Variants in SPTLC2 observed in about 807,000 individuals in gnomAD.
SPTLC2 encodes the protein serine palmitoyltransferase 2.
A neutral mutation model predicts 62.0 loss-of-function variants in SPTLC2; 21 were observed. That is an observed-to-expected ratio of 0.34 (90% CI 0.24 to 0.49). The LOEUF (loss-of-function observed/expected upper bound fraction) is 0.49. SPTLC2 is among the 20% of genes least tolerant of loss of function. The pLI is 0.99. For missense variants in SPTLC2, 511 were observed against 713.0 expected, an observed-to-expected ratio of 0.72 and a Z score of 3.23; for synonymous variants, 261 against 261.8, an observed-to-expected ratio of 1.00 and a Z score of 0.03.
At chr14:77,569,206 G>A (rs967364001) in intron 5 of SPTLC2, among the ~76,000 whole-genome samples, 4 of 151,932 alleles carry the variant, frequency 2.6e-5, no homozygotes, top group Admixed American at 2.6e-4. Context: ...TTATTTGCAT[G>A]CTGTATTTTT....
At chr14:77,572,876 G>A (rs2079691570) in intron 4 of SPTLC2, among the ~76,000 whole-genome samples, 1 of 152,178 alleles carries the variant, frequency 6.6e-6, no homozygotes, top group African/African-American at 2.4e-5. Flanking sequence ...GAAGCGATTA[G>A]GATCTTCTTC....
chr14:77,591,125 T>C (rs935249253), intron 2 of SPTLC2, among the ~76,000 whole-genome samples: 2 of 152,334 alleles, frequency 1.3e-5, no homozygotes, highest in Middle Eastern at 6.8e-3. Context: ...TGATGAAATA[T>C]TATTCAGCAA....
intron 9 of SPTLC2, among the ~76,000 whole-genome samples, chr14:77,530,931 T>C (rs1297320640): frequency 6.6e-6 from 1 of 152,226 alleles, no homozygotes; most frequent in Non-Finnish European, 1.5e-5. Context: ...ACAATGCACG[T>C]TGGCCCACCC....
At chr14:77,567,777 C>A (rs1425356663) in intron 5 of SPTLC2, among the ~76,000 whole-genome samples, 1 of 150,056 alleles carries the variant, frequency 6.7e-6, no homozygotes, top group Admixed American at 6.6e-5. Context: ...CTTCCTTCTG[C>A]TTAGTTTGGG....
chr14:77,532,644 T>C (rs990749762), intron 9 of SPTLC2, among the ~76,000 whole-genome samples: 21 of 151,508 alleles, frequency 1.4e-4, no homozygotes, highest in Non-Finnish European at 2.1e-4. Flanking sequence ...ATTAGCTGGG[T>C]GTGGTGGCAG....
intron 7 of SPTLC2, among the ~76,000 whole-genome samples, chr14:77,556,496 T>C (rs1247357746): frequency 8.0e-6 from 1 of 124,754 alleles, no homozygotes. Context: ...CAAAAAAAAT[T>C]AGGTGGTAAA....
chr14:77,578,699 G>A, intron 3 of SPTLC2: 1 of 374,274 alleles, frequency 2.7e-6, no homozygotes, highest in Non-Finnish European at 5.1e-6. Context: ...CAGCCTGGGT[G>A]ACAGAGCGAA....
At chr14:77,538,544 C>T (rs912267784) in intron 9 of SPTLC2, among the ~76,000 whole-genome samples, 50 of 152,182 alleles carry the variant, frequency 3.3e-4, no homozygotes, top group Admixed American at 8.5e-4. Context: ...TCCTGAATTT[C>T]ACTTATTAGT....
At chr14:77,605,594 TAG>T (rs2079900952) in intron 1 of SPTLC2, among the ~76,000 whole-genome samples, 2 of 152,222 alleles carry the variant, frequency 1.3e-5, no homozygotes, top group Non-Finnish European at 2.9e-5. Context: ...GTGGTACTTG[TAG>T]AGCTTTAGCG....
intron 9 of SPTLC2, among the ~76,000 whole-genome samples, chr14:77,525,248 A>C (rs7154342): frequency 0.077 from 11,643 of 151,920 alleles, 486 homozygotes; most frequent in African/African-American, 0.097. Context: ...CTGCACCTGT[A>C]AACAGCCACT....
chr14:77,610,870 ACTCTGTCTCCCTCTCT>A (rs774987494), intron 1 of SPTLC2, among the ~76,000 whole-genome samples: 388 of 149,904 alleles, frequency 2.6e-3, no homozygotes, highest in Non-Finnish European at 4.7e-3. Context: ...ACATAGTGAG[ACTCTGTCTCCCTCTCT>A]CTCTGTCTCC....
At chr14:77,558,484 A>C (rs1223039056) in intron 6 of SPTLC2, among the ~76,000 whole-genome samples, 1 of 152,238 alleles carries the variant, frequency 6.6e-6, no homozygotes, top group African/African-American at 2.4e-5. Flanking sequence ...ACACAAACAC[A>C]AATAAGATAG....
intron 8 of SPTLC2, among the ~76,000 whole-genome samples, chr14:77,552,678 C>A (rs1466423933): frequency 6.6e-6 from 1 of 151,780 alleles, no homozygotes; most frequent in Non-Finnish European, 1.5e-5. Context: ...TGGAGGCGGG[C>A]ACCTATAATC....
intron 1 of SPTLC2, among the ~76,000 whole-genome samples, chr14:77,607,735 T>C (rs1054783430): frequency 2.6e-5 from 4 of 152,244 alleles, no homozygotes; most frequent in Non-Finnish European, 1.5e-5. Flanking sequence ...AATGGTTATA[T>C]GGGTTTCCTC....
chr14:77,543,595 G>A (rs1427913658), intron 9 of SPTLC2, among the ~76,000 whole-genome samples: 3 of 152,150 alleles, frequency 2.0e-5, no homozygotes, highest in Non-Finnish European at 4.4e-5. Flanking sequence ...TGTAGGTTAT[G>A]TACTAAGTAA....
At chr14:77,534,587 G>A (rs2079458890) in intron 9 of SPTLC2, among the ~76,000 whole-genome samples, 1 of 3,390 alleles carries the variant, frequency 2.9e-4, no homozygotes, top group African/African-American at 4.4e-4. Flanking sequence ...ACATATTTCA[G>A]TACACACACA....
chr14:77,551,066 T>C (rs978952975), intron 9 of SPTLC2, among the ~76,000 whole-genome samples: 1 of 152,008 alleles, frequency 6.6e-6, no homozygotes, highest in African/African-American at 2.4e-5. Context: ...TGAAATCTTT[T>C]ACAAATGCCA....
At chr14:77,512,906 G>A (rs1185788527) in intron 11 of SPTLC2, among the ~76,000 whole-genome samples, 2 of 151,690 alleles carry the variant, frequency 1.3e-5, no homozygotes, top group Non-Finnish European at 2.9e-5. Context: ...AGTAGAGATG[G>A]GGTTTCACCA....
intron 3 of SPTLC2, among the ~76,000 whole-genome samples, chr14:77,578,376 C>CTAAACT (rs2079728853): frequency 6.7e-6 from 1 of 149,692 alleles, no homozygotes; most frequent in African/African-American, 2.5e-5. Flanking sequence ...ATAAAACAGA[C>CTAAACT]TAAACTTTTG....
Sources: gnomAD v4.1 joint callset for allele counts (sites outside exome capture counted in the v4.1 genomes callset) on GRCh38, gnomAD v4.1.1 for gene constraint, MANE v1.5 for transcripts, NCBI Gene and HGNC (gene_info 2026-07-23, HGNC 2026-07-21) for gene names.